PCDHA1: variants seen among roughly 807,000 people sequenced by gnomAD.
PCDHA1 encodes protocadherin alpha-1.
In PCDHA1, 42 loss-of-function variants were observed where a neutral mutation model predicts 61.3. The ratio of observed to expected loss-of-function variants is 0.69; its 90% CI spans 0.54 to 0.89. PCDHA1 has a LOEUF of 0.89. Among genes scored for constraint, PCDHA1 ranks in the 40% least tolerant of loss-of-function variants. The pLI is 0.00. For synonymous variants in PCDHA1, 610 were observed against 553.8 expected (o/e 1.10, Z -1.43); for missense variants, 1,256 against 1,235.3 (o/e 1.02, Z -0.25).
At chr5:140,924,901 A>AAAAATAAAAT (rs10667761) in intron 1 of PCDHA1, among the ~76,000 whole-genome samples, 205 of 80,488 alleles carry the variant, frequency 2.5e-3, no homozygotes, top group South Asian at 0.019. Flanking sequence ...TCTCAAAAAA[A>AAAAATAAAAT]AAAATAAAAT....
intron 1 of PCDHA1, chr5:140,929,584 A>T: frequency 2.3e-6 from 1 of 433,584 alleles, no homozygotes; most frequent in Non-Finnish European, 4.1e-6. Context: ...GTAATATGAC[A>T]TAAAGGTCTA....
chr5:140,823,937 G>C lies in PCDHA1; in HGVS notation c.2394+35253G>C, dbSNP rs2150130560. On this transcript the variant is annotated intron_variant, in intron 1 of 3. Transcript: ENST00000504120. ...ACGCTGCTGCTGTACACCGCGCTGC[G>C]GTGCTCGGCGCAGCCCACCGAGGCC... 10 of 1,613,906 alleles carry C rather than the reference G, an allele frequency of 6.2e-6. No individual in the cohort carries two copies. In the East Asian group the frequency reaches 2.2e-4, roughly 36 times the overall value.
chr5:140,891,977 A>G (rs2063334150), intron 1 of PCDHA1, among the ~76,000 whole-genome samples: 1 of 152,206 alleles, frequency 6.6e-6, no homozygotes, highest in Non-Finnish European at 1.5e-5. Flanking sequence ...TTCCGTTCTC[A>G]TAAATTACTC....
intron 3 of PCDHA1, among the ~76,000 whole-genome samples, chr5:140,991,755 C>T (rs2153897425): frequency 6.6e-6 from 1 of 152,268 alleles, no homozygotes; most frequent in South Asian, 2.1e-4. Context: ...TTCTATCATG[C>T]TCTTCAAAAT....
At chr5:140,839,380 TATG>T (rs2150297142) in intron 1 of PCDHA1, among the ~76,000 whole-genome samples, 147,881 of 151,388 alleles carry the variant, frequency 0.98, 72,191 homozygotes, top group East Asian at 1. Flanking sequence ...CATCAATTAT[TATG>T]ATGATGATGA....
Position 140,836,318 on chromosome 5 carries a change from C to G in PCDHA1, c.2394+47634C>G, listed in dbSNP as rs1774367282. The G allele has an allele frequency of 1.9e-6, 3 of 1,613,634 alleles. No individual in the cohort carries two copies. Among genetic ancestry groups the G allele is most frequent in the Non-Finnish European group, 2.5e-6 (3 of 1,179,838 alleles). On this transcript the variant is annotated intron_variant, in intron 1 of 3. Coordinates refer to ENST00000504120, the MANE Select transcript of PCDHA1 (RefSeq NM_018900.4). ...TAGATGAGACGGACGCACCGCGCCA[C>G]CGCCTTCTGGTGCTTGTGAAGGACC... is the stretch of plus-strand genomic sequence containing the variant.
At chr5:140,796,376 G>A in intron 1 of PCDHA1, 1 of 1,613,428 alleles carries the variant, frequency 6.2e-7, no homozygotes, top group African/African-American at 1.3e-5. Context: ...AACCCGCCGG[G>A]CTGCCACATC....
Position 140,786,147 on chromosome 5 carries a change from A to G in PCDHA1, c.-144A>G. 1 of 1,025,568 alleles carries G rather than the reference A, an allele frequency of 9.8e-7. No individual in the cohort carries two copies. The highest frequency in any genetic ancestry group is 2.4e-5 in the East Asian group (1 of 41,738). The allele number at this position is 1,025,568 out of a possible 1,614,324, so 63.5% of individuals were successfully genotyped here. A position where few individuals can be genotyped will look rare whatever the true frequency, so the allele number is the denominator to read the frequency against. ...TGTCAATAGAAGGGAGCTACTGATC[A>G]CTAAAAGTGAAGGAGGAAGCTCCAT... is the stretch of plus-strand genomic sequence containing the variant. On this transcript the variant is annotated 5_prime_UTR_variant, in exon 1 of 4. Coordinates refer to ENST00000504120, the MANE Select transcript of PCDHA1 (RefSeq NM_018900.4).
chr5:140,829,646 G>A, intron 1 of PCDHA1: 2 of 1,612,376 alleles, frequency 1.2e-6, no homozygotes, highest in Non-Finnish European at 8.5e-7. Flanking sequence ...CAAGGTGTAC[G>A]CGCTGCAGCC....
chr5:140,920,773 G>A (rs374394320), intron 1 of PCDHA1, among the ~76,000 whole-genome samples: 41 of 151,942 alleles, frequency 2.7e-4, no homozygotes, highest in African/African-American at 9.2e-4. Flanking sequence ...ACACCTGGGA[G>A]GTGGAGGTTG....
At position 140,969,365 on chromosome 5, in the gene PCDHA1, C is replaced by T. The variant is rs190730712; in HGVS notation, c.2395-9584C>T. The T allele has an allele frequency of 5.3e-5, 86 of 1,610,040 alleles. No homozygotes were observed. The African/African-American group carries it at 9.2e-4, about 17-fold the overall frequency. On this transcript the variant is annotated intron_variant, in intron 1 of 3. Transcript: ENST00000504120. ...GTGGTCAGGGGGTCTTCTACAAACT[C>T]ATGCATTTGTTACACATCCCCCAAT...
chr5:140,829,360 G>A, intron 1 of PCDHA1: 2 of 1,614,228 alleles, frequency 1.2e-6, no homozygotes, highest in Non-Finnish European at 1.7e-6. Context: ...CCTATGAGTT[G>A]GTGGTAACCG....
At chr5:140,795,516 A>C in intron 1 of PCDHA1, 1 of 1,614,198 alleles carries the variant, frequency 6.2e-7, no homozygotes, top group South Asian at 1.1e-5. Context: ...ATATACAGGC[A>C]AATGATGAAC....
At chr5:140,841,682 G>T (rs2150320729) in intron 1 of PCDHA1, 21 of 1,613,844 alleles carry the variant, frequency 1.3e-5, no homozygotes, top group South Asian at 5.5e-5. Context: ...CCATGTGGAC[G>T]TGGAGGTGAA....
intron 1 of PCDHA1, chr5:140,797,615 A>C (rs746311763): frequency 1.0e-5 from 5 of 490,678 alleles, no homozygotes; most frequent in African/African-American, 2.0e-5. Context: ...ACTGAAAAAC[A>C]CCTCAGCAAA....
chr5:140,853,989 C>T (rs2042932367), intron 1 of PCDHA1: 1 of 494,686 alleles, frequency 2.0e-6, no homozygotes, highest in Non-Finnish European at 2.7e-6. Context: ...TGTAGTGAGA[C>T]TCATCTCTGC....
chr5:140,850,680 G>A lies in PCDHA1; in HGVS notation c.2394+61996G>A, dbSNP rs2150493615. 22 of 1,598,518 alleles carry A rather than the reference G, an allele frequency of 1.4e-5. 2 individuals carry two copies. In the East Asian group the frequency reaches 4.5e-4, roughly 32 times the overall value. ...GCTGCGGTGCTCGGCGATGCCCACC[G>A]AGGGCGAGTGCGCGCCTGGCAAGCC... On this transcript the variant is annotated intron_variant, in intron 1 of 3. Transcript: ENST00000504120.
chr5:140,997,984 A>G (rs1004761154), intron 3 of PCDHA1, among the ~76,000 whole-genome samples: 4 of 152,188 alleles, frequency 2.6e-5, no homozygotes, highest in Admixed American at 2.6e-4. Context: ...TGCACTTGTT[A>G]CATACTTCCC....
At chr5:140,828,580 C>T (rs2150157078) in intron 1 of PCDHA1, 2 of 1,614,212 alleles carry the variant, frequency 1.2e-6, no homozygotes, top group African/African-American at 1.3e-5. Flanking sequence ...CAGATGTTGG[C>T]TCAAATTCCA....
Sources: allele counts gnomAD v4.1 joint callset (sites outside exome capture counted in the v4.1 genomes callset), GRCh38; gene constraint gnomAD v4.1.1; transcripts MANE v1.5; gene names NCBI Gene and HGNC (gene_info 2026-07-23, HGNC 2026-07-21).